GRIA4: variants seen among roughly 807,000 people sequenced by gnomAD.
GRIA4 encodes glutamate receptor 4.
GRIA4 carries 34 observed loss-of-function variants against 104.0 expected under a neutral mutation model. The observed-to-expected ratio is 0.33, with a 90% CI of 0.25 to 0.44. The LOEUF (loss-of-function observed/expected upper bound fraction) is 0.44, where lower values mean the gene tolerates loss of function less well. GRIA4 is among the 20% of genes least tolerant of loss of function. The pLI, the probability that GRIA4 is intolerant of heterozygous loss-of-function variation, is 1.00. For synonymous variants in GRIA4, 386 were observed against 381.9 expected, an observed-to-expected ratio of 1.01 and a Z score of -0.13; for missense variants, 750 against 1,096.5, an observed-to-expected ratio of 0.68 and a Z score of 4.46.
intron 14 of GRIA4, among the ~76,000 whole-genome samples, chr11:105,949,186 T>C (rs1948402948): frequency 6.6e-6 from 1 of 152,316 alleles, no homozygotes; most frequent in Non-Finnish European, 1.5e-5. Flanking sequence ...TTCATAAAGA[T>C]AGCTAATGTC....
chr11:105,633,620 C>T (rs1005072017), intron 3 of GRIA4, among the ~76,000 whole-genome samples: 9 of 152,056 alleles, frequency 5.9e-5, no homozygotes, highest in African/African-American at 1.4e-4. Context: ...GCTTTTTTAT[C>T]AAAGAGTCTA....
intron 4 of GRIA4, among the ~76,000 whole-genome samples, chr11:105,815,891 T>C (rs1591299700): frequency 1.3e-5 from 2 of 152,280 alleles, no homozygotes; most frequent in Non-Finnish European, 2.9e-5. Context: ...TGTCAAGATA[T>C]TTATCCATTT....
At chr11:105,720,859 C>T (rs1475335220) in intron 3 of GRIA4, among the ~76,000 whole-genome samples, 3 of 152,092 alleles carry the variant, frequency 2.0e-5, no homozygotes, top group African/African-American at 7.2e-5. Context: ...CCCCAGTCCC[C>T]CTAGGTATAG....
chr11:105,803,481 G>A (rs1359042772), intron 4 of GRIA4, among the ~76,000 whole-genome samples: 1 of 151,748 alleles, frequency 6.6e-6, no homozygotes, highest in Admixed American at 6.6e-5. Context: ...TGCTTCATAA[G>A]GTGGAACAAA....
chr11:105,818,852 G>C (rs541735417), intron 4 of GRIA4, among the ~76,000 whole-genome samples: 2 of 152,242 alleles, frequency 1.3e-5, no homozygotes, highest in South Asian at 4.1e-4. Flanking sequence ...CTAGCAGTTT[G>C]ATATGGGATT....
At chr11:105,676,377 C>A (rs906887321) in intron 3 of GRIA4, among the ~76,000 whole-genome samples, 1 of 151,662 alleles carries the variant, frequency 6.6e-6, no homozygotes, top group African/African-American at 2.4e-5. Context: ...AACAGAGGAA[C>A]AAACCAAATG....
chr11:105,803,411 A>G (rs531816071), intron 4 of GRIA4, among the ~76,000 whole-genome samples: 1 of 152,074 alleles, frequency 6.6e-6, no homozygotes, highest in Admixed American at 6.6e-5. Context: ...ATATATCTTC[A>G]ATGTGCATAT....
intron 5 of GRIA4, among the ~76,000 whole-genome samples, chr11:105,869,251 C>A (rs1329002794): frequency 6.6e-6 from 1 of 152,088 alleles, no homozygotes; most frequent in Non-Finnish European, 1.5e-5. Context: ...TGGGAAGAAT[C>A]ATGAATTCTA....
At chr11:105,671,030 T>A (rs1334559998) in intron 3 of GRIA4, among the ~76,000 whole-genome samples, 9 of 152,112 alleles carry the variant, frequency 5.9e-5, no homozygotes, top group Non-Finnish European at 8.8e-5. Context: ...TCTGCCCTTT[T>A]TCCACACTGA....
intron 3 of GRIA4, among the ~76,000 whole-genome samples, chr11:105,733,031 T>A (rs1319930737): frequency 3.9e-5 from 6 of 152,224 alleles, no homozygotes; most frequent in African/African-American, 1.4e-4. Flanking sequence ...TTGTATCTCT[T>A]ATATTATCTT....
chr11:105,663,848 T>C (rs1017338571), intron 3 of GRIA4, among the ~76,000 whole-genome samples: 1 of 151,848 alleles, frequency 6.6e-6, no homozygotes, highest in Non-Finnish European at 1.5e-5. Context: ...GTTTTTAAAG[T>C]ATAAAAGCAG....
intron 3 of GRIA4, among the ~76,000 whole-genome samples, chr11:105,734,023 T>A (rs571722246): frequency 3.4e-5 from 5 of 146,894 alleles, no homozygotes; most frequent in African/African-American, 1.2e-4. Context: ...TATATATGAA[T>A]TCATATATAT....
intron 4 of GRIA4, among the ~76,000 whole-genome samples, chr11:105,851,696 CCAA>C (rs983551542): frequency 1.1e-4 from 16 of 152,234 alleles, no homozygotes; most frequent in African/African-American, 3.4e-4. Flanking sequence ...CAGAGAACCA[CCAA>C]TCTTCAGTAT....
At position 105,846,467 on chromosome 11, in the gene GRIA4, A is replaced by G. The variant is rs142862101; in HGVS notation, c.488-15557A>G. Among the ~76,000 whole-genome samples the G allele has an allele frequency of 3.2e-3, 487 of 152,270 alleles. 4 individuals carry two copies. Among genetic ancestry groups the G allele is most frequent in the South Asian group, 8.5e-3 (41 of 4,822 alleles). On this transcript the variant is annotated intron_variant, in intron 4 of 16. Coordinates refer to ENST00000282499, the MANE Select transcript of GRIA4 (RefSeq NM_000829.4). ...GCATGTATACATAATATATTTTGTA[A>G]TGAACATATATGTAATTACATATAT...
intron 14 of GRIA4, among the ~76,000 whole-genome samples, chr11:105,966,914 G>A (rs1858402849): frequency 6.6e-6 from 1 of 152,074 alleles, no homozygotes; most frequent in Admixed American, 6.6e-5. Context: ...ATTGCAGCAG[G>A]AGGAAGGACA....
intron 14 of GRIA4, among the ~76,000 whole-genome samples, chr11:105,953,434 T>C (rs1948506069): frequency 1.3e-5 from 2 of 152,192 alleles, no homozygotes; most frequent in African/African-American, 4.8e-5. Flanking sequence ...TCCTACATGA[T>C]ATTTGCTTCT....
At chr11:105,911,966 G>C in intron 10 of GRIA4, 3 of 1,504,102 alleles carry the variant, frequency 2.0e-6, no homozygotes, top group African/African-American at 1.4e-5. Flanking sequence ...CTCAAGTCTT[G>C]TTCTCCAGTG....
At chr11:105,955,249 C>G (rs546356940) in intron 14 of GRIA4, among the ~76,000 whole-genome samples, 1 of 151,868 alleles carries the variant, frequency 6.6e-6, no homozygotes, top group East Asian at 1.9e-4. Flanking sequence ...CCTATTGACC[C>G]GCCCTCTAAG....
chr11:105,940,331 C>T (rs1011874875), intron 14 of GRIA4, among the ~76,000 whole-genome samples: 1 of 152,066 alleles, frequency 6.6e-6, no homozygotes, highest in African/African-American at 2.4e-5. Flanking sequence ...CACTGCACTC[C>T]AGCCTGGGCA....
Sources: allele counts gnomAD v4.1 joint callset (sites outside exome capture counted in the v4.1 genomes callset), GRCh38; gene constraint gnomAD v4.1.1; transcripts MANE v1.5; gene names NCBI Gene and HGNC (gene_info 2026-07-23, HGNC 2026-07-21).